PAQR5: variants seen among roughly 807,000 people sequenced by gnomAD.
The protein encoded by PAQR5 is membrane progestin receptor gamma.
In PAQR5, 20 loss-of-function variants were observed where a neutral mutation model predicts 34.5. The observed-to-expected ratio is 0.58, with a 90% CI of 0.41 to 0.84. The LOEUF is 0.84. Among genes scored for constraint, PAQR5 ranks in the 40% least tolerant of loss-of-function variants. The probability of loss-of-function intolerance (pLI) is 0.00; values close to 1 mark genes in which losing one functional copy is unlikely to be tolerated. For synonymous variants in PAQR5, 131 were observed against 155.6 expected, an observed-to-expected ratio of 0.84 and a Z score of 1.18; for missense variants, 378 against 412.7, an observed-to-expected ratio of 0.92 and a Z score of 0.73.
At chr15:69,336,216 T>G (rs1168642857) in intron 1 of PAQR5, among the ~76,000 whole-genome samples, 2 of 152,190 alleles carry the variant, frequency 1.3e-5, no homozygotes, top group African/African-American at 2.4e-5. Context: ...TTTTGTGATA[T>G]CCAGTGTTTT....
rs1310594677 is a variant in PAQR5, at chr15:69,322,803, G to GA, written c.-276-14537dup. On this transcript the variant is annotated intron_variant, in intron 1 of 8. Transcript: ENST00000395407. ...AGAAGAAGACGAGGAAGAAGAAGAA[G>GA]AGGAAGAGGAAGAAGAAGAAGAAGA... Among the ~76,000 whole-genome samples, 501 of 127,680 alleles carry GA rather than the reference G, an allele frequency of 3.9e-3. 130 individuals are homozygous for GA. The highest frequency in any genetic ancestry group is 0.021 in the East Asian group (84 of 4,068). The allele number at this position is 127,680 out of a possible 152,430, so 83.8% of individuals were successfully genotyped here. A position where few individuals can be genotyped will look rare whatever the true frequency, so the allele number is the denominator to read the frequency against.
chr15:69,372,800 ATACTTAGCAC>A (rs2055599040), intron 3 of PAQR5, among the ~76,000 whole-genome samples: 1 of 152,292 alleles, frequency 6.6e-6, no homozygotes, highest in Admixed American at 6.5e-5. Context: ...ACATGCCACC[ATACTTAGCAC>A]TAAGAGTACT....
chr15:69,338,573 C>T (rs1401931818), intron 2 of PAQR5, among the ~76,000 whole-genome samples: 3 of 152,186 alleles, frequency 2.0e-5, no homozygotes, highest in African/African-American at 7.2e-5. Context: ...GGGTTCACTC[C>T]CATTCCCACA....
intron 3 of PAQR5, among the ~76,000 whole-genome samples, chr15:69,370,662 G>A (rs1395115643): frequency 6.6e-6 from 1 of 152,136 alleles, no homozygotes; most frequent in African/African-American, 2.4e-5. Flanking sequence ...TGGGATTACA[G>A]GCACCTGCCA....
intron 2 of PAQR5, among the ~76,000 whole-genome samples, chr15:69,358,641 T>TTTTTTTTTTTC: frequency 7.1e-6 from 1 of 139,964 alleles, no homozygotes; most frequent in Admixed American, 7.3e-5. Flanking sequence ...GCATTTTTTT[T>TTTTTTTTTTTC]TTTTTTTTGA....
intron 1 of PAQR5, among the ~76,000 whole-genome samples, chr15:69,329,115 A>G (rs1358239431): frequency 6.6e-6 from 1 of 152,254 alleles, no homozygotes; most frequent in Admixed American, 6.5e-5. Context: ...AGGCACTGCA[A>G]GGGGCTGGTG....
intron 2 of PAQR5, among the ~76,000 whole-genome samples, chr15:69,357,642 G>T (rs182355352): frequency 6.6e-6 from 1 of 152,042 alleles, no homozygotes; most frequent in Non-Finnish European, 1.5e-5. Flanking sequence ...TGAACACTTC[G>T]GTTGCTTCCA....
intron 1 of PAQR5, among the ~76,000 whole-genome samples, chr15:69,333,925 G>A (rs1457250019): frequency 6.6e-6 from 1 of 152,020 alleles, no homozygotes; most frequent in Non-Finnish European, 1.5e-5. Flanking sequence ...CTGGTTAATT[G>A]GCTTAGAAAT....
At chr15:69,373,622 G>A (rs912287664) in intron 3 of PAQR5, among the ~76,000 whole-genome samples, 25 of 151,678 alleles carry the variant, frequency 1.6e-4, no homozygotes, top group African/African-American at 4.8e-4. Flanking sequence ...TTCTTTTTTC[G>A]AGTCAGAGTC....
intron 3 of PAQR5, among the ~76,000 whole-genome samples, chr15:69,373,213 A>G (rs1393471145): frequency 6.6e-6 from 1 of 152,042 alleles, no homozygotes; most frequent in African/African-American, 2.4e-5. Flanking sequence ...GAATCTCCCT[A>G]TTTTAAGGTC....
chr15:69,398,332 C>G (rs543146609), intron 7 of PAQR5, among the ~76,000 whole-genome samples: 13 of 152,150 alleles, frequency 8.5e-5, no homozygotes, highest in Non-Finnish European at 1.9e-4. Flanking sequence ...TCAAACCATA[C>G]GGGCTTGAGT....
chr15:69,319,193 A>ATT (rs1566995880), intron 1 of PAQR5, among the ~76,000 whole-genome samples: 1 of 93,050 alleles, frequency 1.1e-5, no homozygotes, highest in African/African-American at 4.7e-5. Flanking sequence ...ATATATATAT[A>ATT]TATATATATA....
intron 3 of PAQR5, among the ~76,000 whole-genome samples, chr15:69,374,892 T>C (rs1350370811): frequency 6.6e-6 from 1 of 152,118 alleles, no homozygotes; most frequent in Non-Finnish European, 1.5e-5. Context: ...GACAGCACGA[T>C]GCTGGGGTGG....
intron 1 of PAQR5, among the ~76,000 whole-genome samples, chr15:69,319,112 C>T (rs922357626): frequency 1.9e-4 from 28 of 147,676 alleles, no homozygotes; most frequent in South Asian, 6.4e-4. Flanking sequence ...CCAGCCTGGG[C>T]GACAGAGCGA....
In PAQR5 at chr15:69,404,145, G is replaced by T; in HGVS notation, c.*323G>T. The T allele has an allele frequency of 4.1e-6, 1 of 245,122 alleles. No individual in the cohort carries two copies. Among genetic ancestry groups the T allele is most frequent in the Non-Finnish European group, 7.9e-6 (1 of 126,180 alleles). 15.2% of individuals were successfully genotyped at this position (245,122 alleles called of 1,614,324 possible). A position where few individuals can be genotyped will look rare whatever the true frequency, so the allele number is the denominator to read the frequency against. On this transcript the variant is annotated 3_prime_UTR_variant, in exon 9 of 9. Coordinates refer to ENST00000395407, the MANE Select transcript of PAQR5 (RefSeq NM_017705.4). ...ACATTTGGATTAAGCATATTACTCT[G>T]GAGCTTTGTATTATTCTTTAAAAAT...
intron 3 of PAQR5, among the ~76,000 whole-genome samples, chr15:69,368,867 G>A (rs908014316): frequency 6.6e-6 from 1 of 152,114 alleles, no homozygotes; most frequent in Non-Finnish European, 1.5e-5. Context: ...TTGGGCTCAA[G>A]TGATGCTCCT....
intron 2 of PAQR5, among the ~76,000 whole-genome samples, chr15:69,341,704 G>A (rs2054648889): frequency 6.6e-6 from 1 of 152,034 alleles, no homozygotes; most frequent in African/African-American, 2.4e-5. Flanking sequence ...CAGTACTTCG[G>A]GAGGCCAAGG....
At chr15:69,351,455 T>C (rs2054915594) in intron 2 of PAQR5, among the ~76,000 whole-genome samples, 1 of 152,268 alleles carries the variant, frequency 6.6e-6, no homozygotes, top group African/African-American at 2.4e-5. Context: ...GTACCTGGTA[T>C]GCTGCCACGG....
intron 1 of PAQR5, among the ~76,000 whole-genome samples, chr15:69,301,722 T>G (rs2053608169): frequency 6.6e-6 from 1 of 152,064 alleles, no homozygotes; most frequent in Non-Finnish European, 1.5e-5. Flanking sequence ...CTGGCCTCCC[T>G]GGTTGGCGGT....
Sources: gnomAD v4.1 joint callset for allele counts (sites outside exome capture counted in the v4.1 genomes callset) on GRCh38, gnomAD v4.1.1 for gene constraint, MANE v1.5 for transcripts, NCBI Gene and HGNC (gene_info 2026-07-23, HGNC 2026-07-21) for gene names.